Variants in RBM20 observed in about 807,000 individuals in gnomAD.
The protein encoded by RBM20 is RNA-binding protein 20.
Under a neutral mutation model 110.1 loss-of-function variants are expected in RBM20, and 51 were observed. The ratio of observed to expected loss-of-function variants is 0.46; its 90% CI spans 0.37 to 0.59. The LOEUF is 0.59. Among genes scored for constraint, RBM20 ranks in the 20% least tolerant of loss-of-function variants. The pLI is 0.00. For missense variants in RBM20, 1,512 were observed against 1,574.9 expected, an observed-to-expected ratio of 0.96 and a Z score of 0.68; for synonymous variants, 589 against 618.2, an observed-to-expected ratio of 0.95 and a Z score of 0.70.
At chr10:110,655,663 T>A (rs1004587938) in intron 1 of RBM20, among the ~76,000 whole-genome samples, 9 of 152,228 alleles carry the variant, frequency 5.9e-5, no homozygotes, top group Non-Finnish European at 1.0e-4. Flanking sequence ...CTGCCAGACA[T>A]ACTTTTTGAA....
intron 6 of RBM20, among the ~76,000 whole-genome samples, chr10:110,798,236 C>T (rs1844576611): frequency 6.6e-6 from 1 of 152,128 alleles, no homozygotes; most frequent in Admixed American, 6.5e-5. Context: ...TTTCTAAAGT[C>T]AGGTGGGGAG....
chr10:110,769,260 TTGTTG>T (rs1055164313), intron 1 of RBM20, among the ~76,000 whole-genome samples: 18 of 145,850 alleles, frequency 1.2e-4, no homozygotes, highest in African/African-American at 4.6e-4. Context: ...AACCTTTTTT[TTGTTG>T]TTGTTTATTT....
intron 1 of RBM20, among the ~76,000 whole-genome samples, chr10:110,770,230 C>T (rs559222270): frequency 1.1e-4 from 16 of 152,050 alleles, no homozygotes; most frequent in South Asian, 2.1e-4. Context: ...TTCTCCTCTC[C>T]GGGTGCCCAC....
At chr10:110,812,147 A>G in intron 8 of RBM20, 131 bp from the exon 9 acceptor site, 1 of 821,562 alleles carries the variant, frequency 1.2e-6, no homozygotes, top group South Asian at 1.8e-5. Flanking sequence ...GTGGTTCTGT[A>G]GAGTTGGGAG....
chr10:110,734,350 T>C (rs1370498305), intron 1 of RBM20, among the ~76,000 whole-genome samples: 1 of 152,218 alleles, frequency 6.6e-6, no homozygotes, highest in African/African-American at 2.4e-5. Context: ...TACTGCTATG[T>C]CAGTAGAGAA....
Position 110,644,776 on chromosome 10 carries a change from C to A in RBM20, c.191+131C>A, listed in dbSNP as rs1013356248. 10 of 647,176 alleles carry A rather than the reference C, an allele frequency of 1.5e-5. No individual in the cohort carries two copies. The South Asian group carries it at 1.6e-4, about 10-fold the overall frequency. 40.1% of individuals were successfully genotyped at this position (647,176 alleles called of 1,614,324 possible). A position where few individuals can be genotyped will look rare whatever the true frequency, so the allele number is the denominator to read the frequency against. On this transcript the variant is annotated intron_variant, in intron 1 of 13. Transcript: ENST00000369519. This position sits in a 1 kb window ranked among gnomAD's most constrained non-coding sequence, Gnocchi z 4.3. ...CCTTGGGTTTGAAGTTTTCTCGTACCCCCTCTGGGCAGAGTCGGTGTCCTT... is the reference window on the plus strand; with the variant it reads ...CCTTGGGTTTGAAGTTTTCTCGTACACCCTCTGGGCAGAGTCGGTGTCCTT...
intron 1 of RBM20, among the ~76,000 whole-genome samples, chr10:110,724,265 T>A (rs892057126): frequency 2.0e-5 from 3 of 152,202 alleles, no homozygotes; most frequent in African/African-American, 7.2e-5. Flanking sequence ...ACCTTCAAGC[T>A]AGTGATGCTT....
At chr10:110,796,494 A>G (rs539654528) in intron 5 of RBM20, among the ~76,000 whole-genome samples, 37 of 152,364 alleles carry the variant, frequency 2.4e-4, no homozygotes, top group Non-Finnish European at 4.9e-4. Flanking sequence ...TGTCTTAAAA[A>G]GTATTTCATA....
chr10:110,814,399 A>G (rs1048023164), intron 9 of RBM20, among the ~76,000 whole-genome samples: 4 of 152,236 alleles, frequency 2.6e-5, no homozygotes, highest in African/African-American at 9.6e-5. Flanking sequence ...TCTGTGGGCA[A>G]TTATTAACTC....
At chr10:110,708,430 A>G (rs1208196242) in intron 1 of RBM20, among the ~76,000 whole-genome samples, 1 of 152,046 alleles carries the variant, frequency 6.6e-6, no homozygotes, top group African/African-American at 2.4e-5. Flanking sequence ...TTTTTCAACT[A>G]TTTTCAAAGG....
chr10:110,706,980 C>T (rs190968548), intron 1 of RBM20, among the ~76,000 whole-genome samples: 59 of 152,240 alleles, frequency 3.9e-4, no homozygotes, highest in African/African-American at 7.9e-4. Context: ...CGTGGAAAAA[C>T]GCTTAAATGA....
At chr10:110,734,337 A>G (rs1843648357) in intron 1 of RBM20, among the ~76,000 whole-genome samples, 1 of 152,192 alleles carries the variant, frequency 6.6e-6, no homozygotes, top group Admixed American at 6.5e-5. Context: ...TCAGGTCCAC[A>G]AATACTGCTA....
intron 5 of RBM20, among the ~76,000 whole-genome samples, chr10:110,785,736 C>T (rs7906643): frequency 0.1 from 15,881 of 151,832 alleles, 869 homozygotes; most frequent in African/African-American, 0.13. Context: ...AAACACATGA[C>T]TTAAGAAGCA....
chr10:110,679,379 A>T (rs933298587), intron 1 of RBM20, among the ~76,000 whole-genome samples: 12 of 152,168 alleles, frequency 7.9e-5, no homozygotes, highest in Non-Finnish European at 1.6e-4. Context: ...ACGAGCCACC[A>T]TGCCCAGCTA....
intron 1 of RBM20, among the ~76,000 whole-genome samples, chr10:110,766,470 CGGCCTTCCGCAGTGTTTGTGTCCCTG>C (rs1844086172): frequency 6.6e-6 from 1 of 151,770 alleles, no homozygotes; most frequent in Non-Finnish European, 1.5e-5. Context: ...GAGGACCCTG[CGGCCTTCCGCAGTGTTTGTGTCCCTG>C]GGTACTTGAG....
intron 1 of RBM20, among the ~76,000 whole-genome samples, chr10:110,726,840 G>A (rs1268632557): frequency 6.6e-6 from 1 of 152,138 alleles, no homozygotes; most frequent in Non-Finnish European, 1.5e-5. Context: ...ACCTGAGCCT[G>A]TATTTTTGTT....
intron 1 of RBM20, among the ~76,000 whole-genome samples, chr10:110,662,541 A>G (rs1258783403): frequency 6.6e-6 from 1 of 152,280 alleles, no homozygotes; most frequent in African/African-American, 2.4e-5. Context: ...ACTTGTCAGC[A>G]TGTAAAACAT....
At chr10:110,670,174 C>G (rs1862237790) in intron 1 of RBM20, among the ~76,000 whole-genome samples, 1 of 152,116 alleles carries the variant, frequency 6.6e-6, no homozygotes, top group Non-Finnish European at 1.5e-5. Context: ...TGCACGTTTA[C>G]ATGAATGTGT....
In RBM20 at chr10:110,821,589, C is replaced by G. The variant is rs1844910850; in HGVS notation, c.2970C>G (p.Ser990Arg). 1 of 1,550,698 alleles carries G rather than the reference C, an allele frequency of 6.4e-7. No homozygotes were observed. Reference protein sequence around the residue: ...SPRELPSASTSCPSDMDVEMP... With the variant: ...SPRELPSASTRCPSDMDVEMP... ...GAGAACTGCCCTCTGCTTCCACAAG[C>G]TGTCCCAGTGACATGGACGTGGAAA... Residue 990 changes from serine (S) to arginine (R), a missense_variant, in exon 11 of 14, where the codon AGC (serine) becomes AGG (arginine). Physicochemically the swap from Ser to Arg is moderately radical, Grantham distance 110. Around this residue, in one of 3 missense-constraint regions of RBM20, gnomAD observed 358 missense variants for 384.2 expected, o/e 0.93. Transcript: ENST00000369519.
Sources: gnomAD v4.1 joint callset for allele counts (sites outside exome capture counted in the v4.1 genomes callset) on GRCh38, gnomAD v4.1.1 for gene constraint, gnomAD v4.1.1 regional missense constraint, Gnocchi (gnomAD v3.1) non-coding constraint, MANE v1.5 for transcripts, NCBI Gene and HGNC (gene_info 2026-07-23, HGNC 2026-07-21) for gene names.